The following SLC24A2 variants were observed in gnomAD, a reference collection of about 807,000 sequenced individuals.
The protein encoded by SLC24A2 is sodium/potassium/calcium exchanger 2.
In SLC24A2, 36 loss-of-function variants were observed where a neutral mutation model predicts 62.0. The ratio of observed to expected loss-of-function variants is 0.58; its 90% CI spans 0.44 to 0.77. The LOEUF (loss-of-function observed/expected upper bound fraction) is 0.77. SLC24A2 is among the 30% of genes least tolerant of loss of function. SLC24A2 has a pLI of 0.00. For missense variants in SLC24A2, 846 were observed against 817.9 expected, an observed-to-expected ratio of 1.03 and a Z score of -0.42; for synonymous variants, 358 against 294.0, an observed-to-expected ratio of 1.22 and a Z score of -2.23.
the SLC24A2 span, among the ~76,000 whole-genome samples, chr9:19,918,780 A>G: frequency 6.6e-6 from 1 of 152,212 alleles, no homozygotes; most frequent in East Asian, 1.9e-4. Flanking sequence ...GAGAGTCCAC[A>G]TGACCAGCCA....
the SLC24A2 span, among the ~76,000 whole-genome samples, chr9:20,232,390 T>C: frequency 1.3e-5 from 2 of 152,228 alleles, no homozygotes; most frequent in East Asian, 1.9e-4. Flanking sequence ...TGGTAAGCTA[T>C]TGATTATTGC....
At chr9:19,993,462 T>A in the SLC24A2 span, among the ~76,000 whole-genome samples, 2 of 152,220 alleles carry the variant, frequency 1.3e-5, no homozygotes, top group Non-Finnish European at 2.9e-5. Context: ...AAAATTTATT[T>A]TATAACCATC....
the SLC24A2 span, among the ~76,000 whole-genome samples, chr9:19,937,968 C>T: frequency 2.0e-5 from 3 of 152,028 alleles, no homozygotes; most frequent in African/African-American, 7.2e-5. Flanking sequence ...AATGAAAATA[C>T]ATGAAAAGAA....
intron 2 of SLC24A2, among the ~76,000 whole-genome samples, chr9:19,697,303 G>A (rs1040039818): frequency 4.3e-4 from 65 of 152,258 alleles, no homozygotes; most frequent in African/African-American, 1.5e-3. Flanking sequence ...GGGAGGGAGA[G>A]CATCAGGAAG....
chr9:19,590,050 T>G lies in SLC24A2; in HGVS notation c.1129+7179A>C, dbSNP rs550586365. ...TGAATTTAGGAAGGCTGATGTGCTT[T>G]CCTGACCAGCTAGACTTAAGAGGGT... On this transcript the variant is annotated intron_variant, in intron 5 of 10. Coordinates refer to ENST00000341998, the MANE Select transcript of SLC24A2 (RefSeq NM_020344.4). Among the ~76,000 whole-genome samples, 4 of 152,188 alleles carry G rather than the reference T, an allele frequency of 2.6e-5. No homozygotes were observed. In the South Asian group the frequency reaches 8.3e-4, roughly 31 times the overall value.
chr9:19,977,743 C>A, the SLC24A2 span, among the ~76,000 whole-genome samples: 16 of 152,272 alleles, frequency 1.1e-4, no homozygotes, highest in East Asian at 2.9e-3. Flanking sequence ...AAATGATCTT[C>A]AGCTGAGGGG....
At chr9:20,097,891 C>T in the SLC24A2 span, among the ~76,000 whole-genome samples, 34 of 151,386 alleles carry the variant, frequency 2.2e-4, no homozygotes, top group Admixed American at 9.2e-4. Flanking sequence ...TACAGGCGCT[C>T]GACACCACGC....
rs559848149 is a variant in SLC24A2 at position 19,521,210 on chromosome 9, T to C, written c.1570-150A>G. On this transcript the variant is annotated intron_variant, in intron 9 of 10. Transcript: ENST00000341998. ...GATAAAGATGAATAAGCCACAGTCA[T>C]TGCTAATAGAGTTTATGCTTTTAGG... is the stretch of plus-strand genomic sequence containing the variant. 30 of 748,514 alleles carry C rather than the reference T, an allele frequency of 4.0e-5. 1 individual carries two copies. Among genetic ancestry groups the C allele is most frequent in the Non-Finnish European group, 6.6e-5 (28 of 425,934 alleles). 46.4% of individuals were successfully genotyped at this position (748,514 alleles called of 1,614,324 possible). A position where few individuals can be genotyped will look rare whatever the true frequency, so the allele number is the denominator to read the frequency against.
chr9:19,580,786 T>A (rs1836181140), intron 5 of SLC24A2, among the ~76,000 whole-genome samples: 1 of 152,172 alleles, frequency 6.6e-6, no homozygotes. Context: ...GTGCTTTAGT[T>A]TTCCCATCTG....
the SLC24A2 span, among the ~76,000 whole-genome samples, chr9:19,904,428 G>C: frequency 6.6e-6 from 1 of 152,132 alleles, no homozygotes; most frequent in Non-Finnish European, 1.5e-5. Context: ...CAGAGACTCA[G>C]TTTTCTAAAG....
At chr9:20,106,897 G>T in the SLC24A2 span, among the ~76,000 whole-genome samples, 1 of 152,018 alleles carries the variant, frequency 6.6e-6, no homozygotes, top group Non-Finnish European at 1.5e-5. Context: ...TAGGAAAAGA[G>T]GAAGTCAAAT....
At chr9:19,782,684 A>C (rs1823051272) in intron 2 of SLC24A2, among the ~76,000 whole-genome samples, 1 of 152,232 alleles carries the variant, frequency 6.6e-6, no homozygotes, top group Non-Finnish European at 1.5e-5. Flanking sequence ...TTCACTTAAG[A>C]ATGAAACATA....
At chr9:19,995,285 C>G in the SLC24A2 span, among the ~76,000 whole-genome samples, 1 of 152,100 alleles carries the variant, frequency 6.6e-6, no homozygotes, top group African/African-American at 2.4e-5. Flanking sequence ...AAACTTTTCC[C>G]TCATGACTTC....
chr9:19,516,100 C>T lies in SLC24A2; in HGVS notation c.*53G>A, dbSNP rs750488740. 6.2e-7 allele frequency: 1 copy of T among 1,611,520 alleles called. No individual in the cohort carries two copies. The highest frequency in any genetic ancestry group is 8.5e-7 in the Non-Finnish European group (1 of 1,178,292). ...CTCAAGAGGTCAAGGAGCCCAGAGC[C>T]CAGAGTGTGGAGGGACCATTCATGC... is the stretch of plus-strand genomic sequence containing the variant. On this transcript the variant is annotated 3_prime_UTR_variant, in exon 11 of 11. Coordinates refer to ENST00000341998, the MANE Select transcript of SLC24A2 (RefSeq NM_020344.4).
intron 2 of SLC24A2, among the ~76,000 whole-genome samples, chr9:19,675,815 G>A (rs536790225): frequency 1.8e-4 from 28 of 152,278 alleles, no homozygotes; most frequent in African/African-American, 6.3e-4. Flanking sequence ...CTCCCCGCCT[G>A]CTGTGGCTTC....
At chr9:19,747,326 C>G (rs929524680) in intron 2 of SLC24A2, among the ~76,000 whole-genome samples, 2 of 152,038 alleles carry the variant, frequency 1.3e-5, no homozygotes, top group African/African-American at 4.8e-5. Flanking sequence ...TATACATATA[C>G]AGGTATGTGT....
At chr9:19,971,177 A>C in the SLC24A2 span, among the ~76,000 whole-genome samples, 1 of 152,180 alleles carries the variant, frequency 6.6e-6, no homozygotes, top group Non-Finnish European at 1.5e-5. Flanking sequence ...CAGTCATCCT[A>C]GCTGAAACTA....
At chr9:19,733,890 A>G (rs908621448) in intron 2 of SLC24A2, among the ~76,000 whole-genome samples, 1 of 152,192 alleles carries the variant, frequency 6.6e-6, no homozygotes, top group African/African-American at 2.4e-5. Context: ...ACAGATGGGC[A>G]AAAACAAATA....
chr9:20,111,482 A>T, the SLC24A2 span, among the ~76,000 whole-genome samples: 4 of 152,160 alleles, frequency 2.6e-5, no homozygotes, highest in Non-Finnish European at 2.9e-5. Flanking sequence ...TAAGCCCTTT[A>T]TTAATCTCTT....
Sources: gnomAD v4.1 joint callset for allele counts (sites outside exome capture counted in the v4.1 genomes callset) on GRCh38, gnomAD v4.1.1 for gene constraint, MANE v1.5 for transcripts, NCBI Gene and HGNC (gene_info 2026-07-23, HGNC 2026-07-21) for gene names.